Variants in JMJD1C observed in about 807,000 individuals in gnomAD.
The protein encoded by JMJD1C is jumonji domain-containing protein 1C.
In JMJD1C, 31 loss-of-function variants were observed where a neutral mutation model predicts 245.3. The ratio of observed to expected loss-of-function variants is 0.13; its 90% CI spans 0.09 to 0.17. JMJD1C has a LOEUF of 0.17. JMJD1C is among the 10% of genes least tolerant of loss of function. The pLI, the probability that JMJD1C is intolerant of heterozygous loss-of-function variation, is 1.00. For missense variants in JMJD1C, 2,691 were observed against 3,000.2 expected, an observed-to-expected ratio of 0.90 and a Z score of 2.41; for synonymous variants, 1,057 against 1,017.4, an observed-to-expected ratio of 1.04 and a Z score of -0.74.
intron 1 of JMJD1C, among the ~76,000 whole-genome samples, chr10:63,409,365 T>C (rs1949354618): frequency 6.6e-6 from 1 of 152,114 alleles, no homozygotes; most frequent in African/African-American, 2.4e-5. Flanking sequence ...AACCAACACA[T>C]ATGTAACTGT....
At chr10:63,184,110 A>G (rs1170683953) in intron 21 of JMJD1C, among the ~76,000 whole-genome samples, 2 of 151,588 alleles carry the variant, frequency 1.3e-5, no homozygotes, top group Admixed American at 6.6e-5. Context: ...TATTTTTAGT[A>G]GAGATGGGGT....
intron 1 of JMJD1C, among the ~76,000 whole-genome samples, chr10:63,500,616 C>A (rs956143436): frequency 3.9e-5 from 6 of 152,130 alleles, no homozygotes; most frequent in African/African-American, 1.4e-4. Flanking sequence ...CCTGTAATCC[C>A]AGCTACTTGA....
chr10:63,192,184 C>T (rs762224552), intron 16 of JMJD1C, among the ~76,000 whole-genome samples: 2 of 143,002 alleles, frequency 1.4e-5, no homozygotes, highest in African/African-American at 2.6e-5. Flanking sequence ...TCTGGGAAGA[C>T]GAGGTAGACT....
At chr10:63,361,275 T>C (rs1288630893) in intron 2 of JMJD1C, among the ~76,000 whole-genome samples, 1 of 151,936 alleles carries the variant, frequency 6.6e-6, no homozygotes. Context: ...ATACAAAAAT[T>C]AGCCAGACAT....
intron 1 of JMJD1C, among the ~76,000 whole-genome samples, chr10:63,461,684 A>AT (rs1215590949): frequency 2.6e-5 from 4 of 152,130 alleles, no homozygotes; most frequent in East Asian, 1.9e-4. Context: ...ACACAGTATG[A>AT]TTTTTTATTG....
chr10:63,413,568 A>C (rs1949614934), intron 1 of JMJD1C, among the ~76,000 whole-genome samples: 1 of 152,182 alleles, frequency 6.6e-6, no homozygotes, highest in African/African-American at 2.4e-5. Flanking sequence ...TGGTGGGGGA[A>C]AGATTCTTCA....
chr10:63,447,485 CTCTT>C (rs755735750), intron 1 of JMJD1C, among the ~76,000 whole-genome samples: 3 of 152,130 alleles, frequency 2.0e-5, no homozygotes, highest in Non-Finnish European at 2.9e-5. Flanking sequence ...TATTCTAGAC[CTCTT>C]TCATTTCCCA....
At chr10:63,326,025 T>C (rs1941453015) in intron 2 of JMJD1C, among the ~76,000 whole-genome samples, 1 of 152,214 alleles carries the variant, frequency 6.6e-6, no homozygotes, top group South Asian at 2.1e-4. Context: ...CAAAGATGCA[T>C]ATGTGAGCAT....
At chr10:63,293,953 T>C (rs1859081142) in intron 2 of JMJD1C, among the ~76,000 whole-genome samples, 1 of 152,208 alleles carries the variant, frequency 6.6e-6, no homozygotes, top group Non-Finnish European at 1.5e-5. Context: ...TTTTCTGACC[T>C]TTCCCATGTA....
At chr10:63,241,735 A>G (rs1465167586) in intron 3 of JMJD1C, among the ~76,000 whole-genome samples, 2 of 152,150 alleles carry the variant, frequency 1.3e-5, no homozygotes, top group Non-Finnish European at 2.9e-5. Context: ...CTGTCTTCTA[A>G]TATGCTAAAC....
intron 1 of JMJD1C, among the ~76,000 whole-genome samples, chr10:63,486,137 TAAAAAAAAAAAAA>T (rs1166721473): frequency 2.5e-3 from 184 of 73,292 alleles, no homozygotes; most frequent in Admixed American, 4.0e-3. Flanking sequence ...CAAGCAATTG[TAAAAAAAAAAAAA>T]AAAAAAAAAA....
intron 3 of JMJD1C, among the ~76,000 whole-genome samples, chr10:63,234,042 C>T (rs1850345704): frequency 1.3e-5 from 2 of 152,212 alleles, no homozygotes; most frequent in East Asian, 3.9e-4. Flanking sequence ...ATATGATAAG[C>T]ATACTCCATA....
At chr10:63,184,981 A>G (rs915378918) in intron 20 of JMJD1C, among the ~76,000 whole-genome samples, 2 of 152,014 alleles carry the variant, frequency 1.3e-5, no homozygotes, top group Non-Finnish European at 1.5e-5. Flanking sequence ...TTTTTGAGAC[A>G]AAGTTTCACT....
intron 25 of JMJD1C, 122 bp downstream of exon 25, chr10:63,168,313 T>G: frequency 2.8e-6 from 3 of 1,053,688 alleles, no homozygotes; most frequent in Non-Finnish European, 4.2e-6. Context: ...ATGTTGGTGT[T>G]AATCTTTGGT....
chr10:63,292,079 T>C (rs528488914), intron 2 of JMJD1C, among the ~76,000 whole-genome samples: 1 of 148,440 alleles, frequency 6.7e-6, no homozygotes, highest in African/African-American at 2.5e-5. Context: ...GCCTCCTGAA[T>C]AGCTGGGAAC....
intron 1 of JMJD1C, among the ~76,000 whole-genome samples, chr10:63,413,303 T>C (rs1011850916): frequency 6.6e-6 from 1 of 152,206 alleles, no homozygotes; most frequent in Non-Finnish European, 1.5e-5. Flanking sequence ...CTGTTGAGTA[T>C]CAAAAGAGGT....
At position 63,246,656 on chromosome 10, in the gene JMJD1C, A is replaced by C. The variant is rs189847448; in HGVS notation, c.447+17995T>G. Among the ~76,000 whole-genome samples the C allele has an allele frequency of 2.0e-5, 3 of 152,256 alleles. No individual in the cohort carries two copies. In the East Asian group the frequency reaches 5.8e-4, roughly 29 times the overall value. On this transcript the variant is annotated intron_variant, in intron 3 of 25. Coordinates refer to ENST00000399262, the MANE Select transcript of JMJD1C (RefSeq NM_032776.3). Reference sequence around the variant, plus strand: ...AAAAGAAAATATTTAAAAATATAAAAGCTACTGGTAAAATCAAATACACAG... The same window carrying C: ...AAAAGAAAATATTTAAAAATATAAACGCTACTGGTAAAATCAAATACACAG...
At chr10:63,350,866 A>G (rs1944296176) in intron 2 of JMJD1C, among the ~76,000 whole-genome samples, 1 of 151,880 alleles carries the variant, frequency 6.6e-6, no homozygotes, top group African/African-American at 2.4e-5. Context: ...AGATCCGCCC[A>G]CCTTGGCCTC....
At chr10:63,349,096 G>A (rs1944108186) in intron 2 of JMJD1C, among the ~76,000 whole-genome samples, 2 of 44,586 alleles carry the variant, frequency 4.5e-5, no homozygotes, top group African/African-American at 2.1e-4. Flanking sequence ...GTGAGACTCT[G>A]TCTCAAAAAA....
Sources: allele counts gnomAD v4.1 joint callset (sites outside exome capture counted in the v4.1 genomes callset), GRCh38; gene constraint gnomAD v4.1.1; transcripts MANE v1.5; gene names NCBI Gene and HGNC (gene_info 2026-07-23, HGNC 2026-07-21).